Variants in RNF17 observed in about 807,000 individuals in gnomAD.
RNF17 encodes the protein spermatogenesis associated 23.
Under a neutral mutation model 200.5 loss-of-function variants are expected in RNF17, and 31 were observed. The ratio of observed to expected loss-of-function variants is 0.15; its 90% CI spans 0.12 to 0.21. The LOEUF (loss-of-function observed/expected upper bound fraction) is 0.21. Ranked by LOEUF, RNF17 falls within the 10% of genes least tolerant of loss-of-function variation. RNF17 has a pLI of 1.00. For missense variants in RNF17, 1,628 were observed against 1,905.1 expected (o/e 0.85, Z 2.71); for synonymous variants, 606 against 637.8 (o/e 0.95, Z 0.75).
At chr13:24,870,417 G>A (rs1016921252) in intron 31 of RNF17, among the ~76,000 whole-genome samples, 154 bp from the exon 32 acceptor site, 16 of 152,160 alleles carry the variant, frequency 1.1e-4, no homozygotes, top group African/African-American at 3.9e-4. Flanking sequence ...GATAAGTGTG[G>A]TAGGATGTGG....
chr13:24,752,434 T>A, the RNF17 span, among the ~76,000 whole-genome samples: 4 of 152,214 alleles, frequency 2.6e-5, no homozygotes, highest in Admixed American at 6.5e-5. Context: ...CGCAGCCACA[T>A]GGAGAAACCC....
intron 17 of RNF17, among the ~76,000 whole-genome samples, chr13:24,831,051 C>A (rs773707087): frequency 2.0e-5 from 3 of 151,942 alleles, no homozygotes; most frequent in Non-Finnish European, 4.4e-5. Flanking sequence ...TAAGAAGGAG[C>A]CTTGTTTTCT....
At chr13:24,748,026 C>T in the RNF17 span, among the ~76,000 whole-genome samples, 1 of 152,234 alleles carries the variant, frequency 6.6e-6, no homozygotes, top group South Asian at 2.1e-4. Context: ...GACTTCCCTC[C>T]CGCTCCGGGC....
At position 24,876,918 on chromosome 13, in the gene RNF17, T is replaced by C. The variant is rs946505944; in HGVS notation, c.4584-79T>C. ...CTGCAAAATCCAATGTTATGAAGCG[T>C]TTCCCCTATGTTTTCTTCTAAGAAT... On this transcript the variant is annotated intron_variant, in intron 33 of 35. Transcript: ENST00000255324. The C allele has an allele frequency of 3.4e-6, 4 of 1,177,598 alleles. No individual in the cohort carries two copies. The Admixed American group carries it at 7.8e-5, about 23-fold the overall frequency. 72.9% of individuals were successfully genotyped at this position (1,177,598 alleles called of 1,614,324 possible).
At chr13:24,834,849 A>G (rs1183659023) in intron 18 of RNF17, among the ~76,000 whole-genome samples, 5 of 152,178 alleles carry the variant, frequency 3.3e-5, no homozygotes, top group Non-Finnish European at 5.9e-5. Flanking sequence ...GGAGGGTACA[A>G]ATCTGGTGTG....
intron 32 of RNF17, among the ~76,000 whole-genome samples, chr13:24,873,639 AG>A (rs138612350): frequency 0.12 from 18,386 of 152,150 alleles, 1,206 homozygotes; most frequent in Admixed American, 0.15. Context: ...CTCAAATATT[AG>A]AACTTATTCC....
chr13:24,754,601 A>C, the RNF17 span, among the ~76,000 whole-genome samples: 5 of 152,188 alleles, frequency 3.3e-5, no homozygotes, highest in Non-Finnish European at 7.3e-5. Flanking sequence ...TTATTCAATA[A>C]AGATTGCTGC....
At chr13:24,815,428 G>GGTGTGTGTGTGTGTGT (rs60054136) in intron 15 of RNF17, among the ~76,000 whole-genome samples, 4 of 144,100 alleles carry the variant, frequency 2.8e-5, no homozygotes, top group Admixed American at 6.9e-5. Flanking sequence ...GCCCTAACGG[G>GGTGTGTGTGTGTGTGT]GTGTGTGTGT....
At chr13:24,765,310 C>T (rs945157136) in intron 1 of RNF17, among the ~76,000 whole-genome samples, 13 of 152,182 alleles carry the variant, frequency 8.5e-5, no homozygotes, top group Non-Finnish European at 1.8e-4. Flanking sequence ...CCACCGCGCC[C>T]GGCCGGTTCA....
At position 24,825,674 on chromosome 13, in the gene RNF17, G is replaced by A. The variant is rs773201804; in HGVS notation, c.2147G>A (p.Ser716Asn). ...LLKTIEEFYK[S>N]EDGENLEILC... ...AAGACAATCGAGGAATTCTATAAAA[G>A]TGAAGATGGAGAAAATCTGGAAATC... is the stretch of plus-strand genomic sequence containing the variant. Residue 716 changes from serine to asparagine, a missense_variant, in exon 16 of 36, where the codon AGT becomes AAT. By Grantham distance (46) the Ser-to-Asn change is conservative. This residue lies in a region of RNF17 where 289 missense variants were observed against 384.9 expected (regional missense o/e 0.75). Transcript: ENST00000255324. The A allele has an allele frequency of 6.2e-7, 1 of 1,609,310 alleles. No individual in the cohort carries two copies.
chr13:24,871,843 G>A (rs1172423137), intron 32 of RNF17, among the ~76,000 whole-genome samples: 1 of 151,964 alleles, frequency 6.6e-6, no homozygotes, highest in Non-Finnish European at 1.5e-5. Flanking sequence ...ATCTTGGCCG[G>A]TCTGGTCTCG....
intron 6 of RNF17, among the ~76,000 whole-genome samples, chr13:24,785,433 T>C (rs1385193368): frequency 1.3e-5 from 2 of 152,228 alleles, no homozygotes; most frequent in African/African-American, 2.4e-5. Context: ...AAAGATACCT[T>C]GTAGGATTTC....
chr13:24,768,597 T>C (rs2137458760), intron 2 of RNF17, among the ~76,000 whole-genome samples: 1 of 152,234 alleles, frequency 6.6e-6, no homozygotes, highest in Non-Finnish European at 1.5e-5. Flanking sequence ...CTGTAAATTC[T>C]TGATGTTTTA....
At chr13:24,784,523 A>G (rs191941549) in intron 6 of RNF17, among the ~76,000 whole-genome samples, 5 of 152,234 alleles carry the variant, frequency 3.3e-5, no homozygotes, top group Admixed American at 3.3e-4. Context: ...CTCCTTAGTC[A>G]TGTCTGTACA....
intron 6 of RNF17, 105 bp from the exon 7 acceptor site, chr13:24,787,883 T>C: frequency 1.2e-6 from 1 of 835,786 alleles, no homozygotes; most frequent in East Asian, 2.8e-5. Context: ...CCATATTATG[T>C]AAAATTCATC....
At chr13:24,794,721 C>A (rs1480385172) in intron 10 of RNF17, among the ~76,000 whole-genome samples, 1 of 151,944 alleles carries the variant, frequency 6.6e-6, no homozygotes, top group South Asian at 2.1e-4. Flanking sequence ...ATATTCCCCC[C>A]AATAAAAAAA....
chr13:24,854,923 G>A (rs968251078), intron 25 of RNF17, among the ~76,000 whole-genome samples: 1 of 152,114 alleles, frequency 6.6e-6, no homozygotes, highest in African/African-American at 2.4e-5. Flanking sequence ...CAGAACCTAA[G>A]CAGACTTGTG....
At chr13:24,799,275 T>A in intron 11 of RNF17, 120 bp from the exon 12 acceptor site, 1 of 736,966 alleles carries the variant, frequency 1.4e-6, no homozygotes, top group Non-Finnish European at 2.3e-6. Context: ...AACACAGTGC[T>A]ATATCATCAT....
At chr13:24,883,498 TAC>T, downstream of RNF17, 1 of 685,582 alleles carries the variant, frequency 1.5e-6, no homozygotes, top group Non-Finnish European at 2.4e-6. Flanking sequence ...GTTATCCCTA[TAC>T]AATTGTAACT....
Sources: gnomAD v4.1 joint callset for allele counts (sites outside exome capture counted in the v4.1 genomes callset) on GRCh38, gnomAD v4.1.1 for gene constraint, gnomAD v4.1.1 regional missense constraint, MANE v1.5 for transcripts, NCBI Gene and HGNC (gene_info 2026-07-23, HGNC 2026-07-21) for gene names.